The following ACVR1C variants were observed in gnomAD, a reference collection of about 807,000 sequenced individuals.
ACVR1C encodes activin A receptor type 1C, also known as activin receptor type-1C.
Under a neutral mutation model 57.9 loss-of-function variants are expected in ACVR1C, and 23 were observed. The observed-to-expected ratio is 0.40, with a 90% CI of 0.29 to 0.56. ACVR1C has a LOEUF of 0.56. ACVR1C is among the 20% of genes least tolerant of loss of function. The pLI, the probability that ACVR1C is intolerant of heterozygous loss-of-function variation, is 0.50. For missense variants in ACVR1C, 480 were observed against 607.9 expected, an observed-to-expected ratio of 0.79 and a Z score of 2.21; for synonymous variants, 214 against 215.3, an observed-to-expected ratio of 0.99 and a Z score of 0.05.
intron 2 of ACVR1C, among the ~76,000 whole-genome samples, chr2:157,584,403 C>CA (rs1688868528): frequency 1.3e-5 from 2 of 151,812 alleles, no homozygotes; most frequent in South Asian, 2.1e-4. Flanking sequence ...CACACCTGAC[C>CA]AAAAAAACTC....
intron 8 of ACVR1C, among the ~76,000 whole-genome samples, chr2:157,534,818 C>T (rs995121753): frequency 3.3e-5 from 5 of 152,026 alleles, no homozygotes; most frequent in Admixed American, 1.3e-4. Context: ...ACTGATGGAT[C>T]GCATGTAATA....
chr2:157,616,353 A>C (rs1429521762), intron 1 of ACVR1C, among the ~76,000 whole-genome samples: 1 of 152,148 alleles, frequency 6.6e-6, no homozygotes. Flanking sequence ...ATTGATGAGC[A>C]CACCAAAGGC....
chr2:157,577,266 G>T (rs1688685751), intron 2 of ACVR1C, among the ~76,000 whole-genome samples: 1 of 151,910 alleles, frequency 6.6e-6, no homozygotes, highest in African/African-American at 2.4e-5. Flanking sequence ...CTAAAAAGTA[G>T]GTTGTTCATA....
At chr2:157,563,970 A>G (rs1688301387) in intron 2 of ACVR1C, among the ~76,000 whole-genome samples, 1 of 152,230 alleles carries the variant, frequency 6.6e-6, no homozygotes, top group Admixed American at 6.5e-5. Context: ...TTAACTCAAG[A>G]TGGATTAAAG....
chr2:157,627,868 T>G (rs1267729960), intron 1 of ACVR1C, among the ~76,000 whole-genome samples: 2 of 152,242 alleles, frequency 1.3e-5, no homozygotes, highest in Non-Finnish European at 2.9e-5. Flanking sequence ...GTAAACATTA[T>G]AAAGAAACGT....
At chr2:157,613,095 T>G (rs942880040) in intron 1 of ACVR1C, among the ~76,000 whole-genome samples, 1 of 152,206 alleles carries the variant, frequency 6.6e-6, no homozygotes, top group Admixed American at 6.5e-5. Flanking sequence ...GCTAAGGGTC[T>G]CTCACTTACC....
At chr2:157,615,435 C>T (rs1236028478) in intron 1 of ACVR1C, among the ~76,000 whole-genome samples, 1 of 151,960 alleles carries the variant, frequency 6.6e-6, no homozygotes, top group Non-Finnish European at 1.5e-5. Context: ...AGAACAGTGA[C>T]ATGATCATAG....
intron 1 of ACVR1C, among the ~76,000 whole-genome samples, chr2:157,605,973 CT>C (rs1006763018): frequency 2.6e-5 from 4 of 151,494 alleles, no homozygotes; most frequent in African/African-American, 9.7e-5. Flanking sequence ...TCCTTCCCAG[CT>C]TTTGGTATCT....
intron 8 of ACVR1C, among the ~76,000 whole-genome samples, chr2:157,538,156 G>A (rs1047076117): frequency 2.0e-5 from 3 of 152,148 alleles, no homozygotes; most frequent in Non-Finnish European, 4.4e-5. Flanking sequence ...AAGTGGAAAA[G>A]ATGTGTGTCA....
intron 2 of ACVR1C, among the ~76,000 whole-genome samples, chr2:157,575,352 C>G (rs1324035717): frequency 6.6e-6 from 1 of 152,072 alleles, no homozygotes; most frequent in African/African-American, 2.4e-5. Flanking sequence ...AGGCTGGTCT[C>G]GAACTCCTGA....
chr2:157,592,440 C>T (rs150912019), intron 1 of ACVR1C, among the ~76,000 whole-genome samples: 16 of 152,132 alleles, frequency 1.1e-4, no homozygotes, highest in Admixed American at 5.2e-4. Context: ...GAAAGTGACA[C>T]CTTACTTTAA....
chr2:157,606,893 A>G (rs1682410951), intron 1 of ACVR1C, among the ~76,000 whole-genome samples: 1 of 151,796 alleles, frequency 6.6e-6, no homozygotes, highest in South Asian at 2.1e-4. Flanking sequence ...GCCAAGACCA[A>G]TGTCATGAAG....
chr2:157,598,793 C>G (rs1682203154), intron 1 of ACVR1C, among the ~76,000 whole-genome samples: 1 of 152,058 alleles, frequency 6.6e-6, no homozygotes. Context: ...CCCATCTCGG[C>G]CTCCCAAAGT....
At chr2:157,614,236 A>G (rs1236234678) in intron 1 of ACVR1C, among the ~76,000 whole-genome samples, 4 of 152,106 alleles carry the variant, frequency 2.6e-5, no homozygotes, top group Non-Finnish European at 5.9e-5. Context: ...TAATTTGTGT[A>G]TTCCCTCTAT....
intron 1 of ACVR1C, among the ~76,000 whole-genome samples, chr2:157,613,824 A>G (rs1259367189): frequency 6.6e-6 from 1 of 152,110 alleles, no homozygotes; most frequent in Non-Finnish European, 1.5e-5. Flanking sequence ...GTTTTCTTTC[A>G]TTGTGATGTC....
chr2:157,586,855 G>A (rs948797205), intron 2 of ACVR1C, among the ~76,000 whole-genome samples: 4 of 152,060 alleles, frequency 2.6e-5, no homozygotes, highest in African/African-American at 7.2e-5. Flanking sequence ...GATCTTAGCC[G>A]AAAGGCCAAG....
At chr2:157,603,304 G>T (rs1356510308) in intron 1 of ACVR1C, among the ~76,000 whole-genome samples, 2 of 152,040 alleles carry the variant, frequency 1.3e-5, no homozygotes, top group Non-Finnish European at 2.9e-5. Context: ...TTGAGACAGG[G>T]TTACAACAGA....
intron 1 of ACVR1C, among the ~76,000 whole-genome samples, chr2:157,620,600 G>T (rs1019497174): frequency 6.6e-6 from 1 of 152,002 alleles, no homozygotes; most frequent in African/African-American, 2.4e-5. Context: ...ATTTATATTT[G>T]TTGTTTTTAA....
At chr2:157,566,497 T>G (rs907789161) in intron 2 of ACVR1C, among the ~76,000 whole-genome samples, 2 of 152,120 alleles carry the variant, frequency 1.3e-5, no homozygotes, top group African/African-American at 4.8e-5. Context: ...CAGGCCAGTG[T>G]GTGTGCCCAC....
Sources: allele counts gnomAD v4.1 joint callset (sites outside exome capture counted in the v4.1 genomes callset), GRCh38; gene constraint gnomAD v4.1.1; transcripts MANE v1.5; gene names NCBI Gene and HGNC (gene_info 2026-07-23, HGNC 2026-07-21).